The following KIF26B variants were observed in gnomAD, a reference collection of about 807,000 sequenced individuals.
KIF26B encodes the protein kinesin family member 26B.
A neutral mutation model predicts 151.2 loss-of-function variants in KIF26B; 63 were observed. The observed-to-expected ratio is 0.42, with a 90% confidence interval of 0.34 to 0.51. The LOEUF (loss-of-function observed/expected upper bound fraction) is 0.51, where lower values mean the gene tolerates loss of function less well. KIF26B is among the 20% of genes least tolerant of loss of function. The pLI, the probability that KIF26B is intolerant of heterozygous loss-of-function variation, is 0.07. For missense variants in KIF26B, 2,813 were observed against 2,913.6 expected, an observed-to-expected ratio of 0.97 and a Z score of 0.79; for synonymous variants, 1,357 against 1,262.1, an observed-to-expected ratio of 1.08 and a Z score of -1.59.
intron 2 of KIF26B, among the ~76,000 whole-genome samples, chr1:245,173,758 C>A (rs552230030): frequency 1.2e-3 from 180 of 152,316 alleles, no homozygotes; most frequent in African/African-American, 3.6e-3. Flanking sequence ...GAGTCCCCCC[C>A]ACCTTTTTCT....
At chr1:245,296,126 T>C (rs1421178163) in intron 2 of KIF26B, among the ~76,000 whole-genome samples, 1 of 152,060 alleles carries the variant, frequency 6.6e-6, no homozygotes, top group Non-Finnish European at 1.5e-5. Flanking sequence ...CTAGGACCTA[T>C]GACTTTGGGG....
At chr1:245,567,373 T>C (rs919713359) in intron 5 of KIF26B, among the ~76,000 whole-genome samples, 1 of 152,202 alleles carries the variant, frequency 6.6e-6, no homozygotes, top group Non-Finnish European at 1.5e-5. Flanking sequence ...CGTCCAGTGA[T>C]GGACGAAGCT....
intron 5 of KIF26B, among the ~76,000 whole-genome samples, chr1:245,544,801 G>A (rs1030609567): frequency 3.3e-5 from 5 of 152,098 alleles, no homozygotes; most frequent in African/African-American, 1.2e-4. Flanking sequence ...AGAGGAAGGG[G>A]AATAACAGCC....
chr1:245,319,299 A>G (rs1343352476), intron 2 of KIF26B, among the ~76,000 whole-genome samples: 7 of 152,194 alleles, frequency 4.6e-5, no homozygotes, highest in Non-Finnish European at 8.8e-5. Context: ...TTTAGCATAA[A>G]TAACAGCCTG....
At chr1:245,409,649 A>C (rs1674226045) in intron 3 of KIF26B, among the ~76,000 whole-genome samples, 1 of 152,208 alleles carries the variant, frequency 6.6e-6, no homozygotes, top group South Asian at 2.1e-4. Context: ...AGCCAAAGCA[A>C]GCTAAGATAA....
At chr1:245,412,309 T>C (rs1674305933) in intron 3 of KIF26B, among the ~76,000 whole-genome samples, 2 of 152,220 alleles carry the variant, frequency 1.3e-5, no homozygotes, top group South Asian at 4.1e-4. Flanking sequence ...GAAAATGTTA[T>C]TAAATGTTAT....
rs1553299290 is a variant in KIF26B at position 245,640,122 on chromosome 1, G to GCGCTCTCTCTCTCTCTCTCTCTCT, written c.2099-5998_2099-5997insGCTCTCTCTCTCTCTCTCTCTCTC. ...CTCCTGTTTAGATCTACTAATATTT[G>GCGCTCTCTCTCTCTCTCTCTCTCT]CTCTCTCTCTCTCTCTCTCTCTATA... On this transcript the variant is annotated intron_variant, in intron 9 of 14. Transcript: ENST00000407071. Among the ~76,000 whole-genome samples, 9 of 53,980 alleles carry GCGCTCTCTCTCTCTCTCTCTCTCT rather than the reference G, an allele frequency of 1.7e-4. No homozygotes were observed. In the East Asian group the frequency reaches 3.5e-3, roughly 21 times the overall value. 35.4% of individuals were successfully genotyped at this position (53,980 alleles called of 152,430 possible). A position where few individuals can be genotyped will look rare whatever the true frequency, so the allele number is the denominator to read the frequency against.
At chr1:245,314,570 A>T (rs969103344) in intron 2 of KIF26B, among the ~76,000 whole-genome samples, 7 of 152,204 alleles carry the variant, frequency 4.6e-5, no homozygotes, top group Admixed American at 2.0e-4. Flanking sequence ...GTGTGAATGG[A>T]TAAATGAGGT....
chr1:245,283,411 A>G (rs1671101067), intron 2 of KIF26B, among the ~76,000 whole-genome samples: 1 of 152,122 alleles, frequency 6.6e-6, no homozygotes, highest in African/African-American at 2.4e-5. Flanking sequence ...ATTCATGATG[A>G]GTACCTTTCA....
intron 3 of KIF26B, among the ~76,000 whole-genome samples, chr1:245,395,084 A>G (rs965867747): frequency 1.3e-5 from 2 of 150,560 alleles, no homozygotes; most frequent in Non-Finnish European, 2.9e-5. Context: ...TTGTTTCTTC[A>G]TTCGCCTATG....
At chr1:245,668,677 G>GTTTCT (rs112851269) in intron 10 of KIF26B, among the ~76,000 whole-genome samples, 70 of 151,384 alleles carry the variant, frequency 4.6e-4, no homozygotes, top group South Asian at 2.1e-3. Context: ...TGGAGATCAT[G>GTTTCT]TTTCTTTTCT....
At chr1:245,697,359 A>AG (rs1234843949) in intron 12 of KIF26B, among the ~76,000 whole-genome samples, 1 of 152,218 alleles carries the variant, frequency 6.6e-6, no homozygotes, top group Admixed American at 6.5e-5. Flanking sequence ...ATACTGGGAG[A>AG]GAACTAGCCG....
At position 245,705,573 on chromosome 1, in the gene KIF26B, C is replaced by T. The variant is rs1051926962; in HGVS notation, c.*2967C>T. ...CAACGAACCCATTTCTATTTCATTA[C>T]CCACAAGCGAAAGGACTAGAAAAAA... On this transcript the variant is annotated 3_prime_UTR_variant, in exon 15 of 15. Coordinates refer to ENST00000407071, the MANE Select transcript of KIF26B (RefSeq NM_018012.4). 6.6e-6 allele frequency: 1 copy of T among 152,108 alleles called. No homozygotes were observed. Among genetic ancestry groups the T allele is most frequent in the African/African-American group, 2.4e-5 (1 of 41,406 alleles). 9.4% of individuals were successfully genotyped at this position (152,108 alleles called of 1,614,324 possible).
intron 2 of KIF26B, among the ~76,000 whole-genome samples, chr1:245,291,277 G>A (rs1055024299): frequency 6.6e-6 from 1 of 152,250 alleles, no homozygotes; most frequent in Non-Finnish European, 1.5e-5. Flanking sequence ...ATACGTGGAG[G>A]AGAGTAATTG....
chr1:245,459,987 G>A (rs1659613931), intron 4 of KIF26B, among the ~76,000 whole-genome samples: 1 of 151,386 alleles, frequency 6.6e-6, no homozygotes. Context: ...TTGTTTGTTT[G>A]TTTTTTCTTT....
intron 2 of KIF26B, among the ~76,000 whole-genome samples, chr1:245,356,710 G>A (rs771309826): frequency 6.6e-6 from 1 of 152,200 alleles, no homozygotes; most frequent in Non-Finnish European, 1.5e-5. Context: ...TAGGCATGAC[G>A]CATTCCGCAG....
chr1:245,202,322 G>A (rs1304955873), intron 2 of KIF26B, among the ~76,000 whole-genome samples: 2 of 152,122 alleles, frequency 1.3e-5, no homozygotes, highest in South Asian at 2.1e-4. Context: ...ATTCTTTTAC[G>A]CTGGCATACA....
intron 2 of KIF26B, among the ~76,000 whole-genome samples, chr1:245,230,939 G>A (rs1262610858): frequency 1.3e-5 from 2 of 151,836 alleles, no homozygotes; most frequent in African/African-American, 2.4e-5. Context: ...GCTGGAAAAT[G>A]TAAAATTAAA....
intron 5 of KIF26B, among the ~76,000 whole-genome samples, chr1:245,578,270 G>A (rs1163344158): frequency 1.3e-5 from 2 of 152,208 alleles, no homozygotes; most frequent in East Asian, 1.9e-4. Flanking sequence ...CCAGAACCTG[G>A]GACTAGCCCC....
Sources: allele counts gnomAD v4.1 joint callset (sites outside exome capture counted in the v4.1 genomes callset), GRCh38; gene constraint gnomAD v4.1.1; transcripts MANE v1.5; gene names NCBI Gene and HGNC (gene_info 2026-07-23, HGNC 2026-07-21).